NKD1: variants seen among roughly 807,000 people sequenced by gnomAD.
NKD1 encodes the protein protein naked cuticle homolog 1.
Under a neutral mutation model 56.0 loss-of-function variants are expected in NKD1, and 21 were observed. The observed-to-expected ratio is 0.38, with a 90% CI of 0.27 to 0.54. NKD1 has a LOEUF of 0.54. NKD1 is among the 20% of genes least tolerant of loss of function. The probability of loss-of-function intolerance (pLI) is 0.82; values close to 1 mark genes in which losing one functional copy is unlikely to be tolerated. For missense variants in NKD1, 578 were observed against 642.7 expected (o/e 0.90, Z 1.09); for synonymous variants, 263 against 265.7 (o/e 0.99, Z 0.10).
chr16:50,623,822 G>A lies in NKD1; in HGVS notation c.367-1663G>A, dbSNP rs1246080188. Reference sequence around the variant, plus strand: ...TAGGGGTATACCTGTGTAGGTATGCGTGTGTGTAGGTACGTGTGTAGGGGT... The same window carrying A: ...TAGGGGTATACCTGTGTAGGTATGCATGTGTGTAGGTACGTGTGTAGGGGT... On this transcript the variant is annotated intron_variant, in intron 5 of 9. Transcript: ENST00000268459. The surrounding 1 kb of genome is among the most constrained non-coding windows in gnomAD (Gnocchi z 4.1). 6.6e-6 allele frequency among the ~76,000 whole-genome samples: 1 copy of A among 151,502 alleles called. No individual in the cohort carries two copies. Among genetic ancestry groups the A allele is most frequent in the South Asian group, 2.1e-4 (1 of 4,772 alleles).
rs199629839 is a variant in NKD1, at chr16:50,630,957, T to A, written c.695+47T>A. 146 of 1,451,600 alleles carry A rather than the reference T, an allele frequency of 1.0e-4. No homozygotes were observed. In the African/African-American group the frequency reaches 1.6e-3, roughly 16 times the overall value. The allele number at this position is 1,451,600 out of a possible 1,614,324, so 89.9% of individuals were successfully genotyped here. The stretch of plus-strand genomic sequence containing the variant: ...GAGCATATGTTGAGCACCAGCTGTG[T>A]ACCTGCTTCTGAAGGATTCAGAGCA... On this transcript the variant is annotated intron_variant, in intron 8 of 9. Transcript: ENST00000268459.
rs2151281870 is a variant in NKD1, at chr16:50,634,068, A to G, written c.*287A>G. The G allele has an allele frequency of 3.5e-6, 1 of 288,338 alleles. No individual in the cohort carries two copies. Among genetic ancestry groups the G allele is most frequent in the Non-Finnish European group, 6.4e-6 (1 of 156,972 alleles). 17.9% of individuals were successfully genotyped at this position (288,338 alleles called of 1,614,324 possible). ...TCGGGGCTCGGGATCTGCAGCATCT[A>G]TGTGGATCAGCCCACACCCTTCCCA... On this transcript the variant is annotated 3_prime_UTR_variant, in exon 10 of 10. Coordinates refer to ENST00000268459, the MANE Select transcript of NKD1 (RefSeq NM_033119.5).
In NKD1 at chr16:50,614,364, G is replaced by GCA. The variant is rs369651886; in HGVS notation, c.259+6016_259+6017dup. ...AAAACCATGTCATGGACACATGCAC[G>GCA]CACACACACACACTCACACACACAC... On this transcript the variant is annotated intron_variant, in intron 4 of 9. Transcript: ENST00000268459. Among the ~76,000 whole-genome samples the GCA allele has an allele frequency of 6.1e-4, 92 of 151,702 alleles. No individual in the cohort carries two copies. In the South Asian group the frequency reaches 0.017, roughly 28 times the overall value.
intron 4 of NKD1, among the ~76,000 whole-genome samples, chr16:50,616,934 C>G (rs1365402540): frequency 1.3e-5 from 2 of 152,226 alleles, no homozygotes; most frequent in Non-Finnish European, 2.9e-5. Flanking sequence ...GATCCGGTCT[C>G]CTAGTGACCT....
intron 3 of NKD1, among the ~76,000 whole-genome samples, chr16:50,595,819 G>A (rs1961460070): frequency 6.6e-6 from 1 of 152,162 alleles, no homozygotes; most frequent in Non-Finnish European, 1.5e-5. Flanking sequence ...CTTCCCAGGT[G>A]ACCACCCTGT....
intron 6 of NKD1, among the ~76,000 whole-genome samples, chr16:50,627,370 T>A (rs779013861): frequency 1.3e-5 from 2 of 152,174 alleles, no homozygotes; most frequent in Non-Finnish European, 2.9e-5. Context: ...TCAACCTGCG[T>A]TGTCCTTCAC....
rs1206514195 is a variant in NKD1, at chr16:50,647,808, C to T, written c.*14027C>T. 6.6e-6 allele frequency: 1 copy of T among 152,184 alleles called. No individual in the cohort carries two copies. Among genetic ancestry groups the T allele is most frequent in the African/African-American group, 2.4e-5 (1 of 41,446 alleles). 9.4% of individuals were successfully genotyped at this position (152,184 alleles called of 1,614,324 possible). A position where few individuals can be genotyped will look rare whatever the true frequency, so the allele number is the denominator to read the frequency against. On this transcript the variant is annotated 3_prime_UTR_variant, in exon 10 of 10. Coordinates refer to ENST00000268459, the MANE Select transcript of NKD1 (RefSeq NM_033119.5). The stretch of plus-strand genomic sequence containing the variant: ...TGTCTGTTACTTGGGGTTCCTGTTG[C>T]TTAGAGTTGAAAGCATCATAACCCA...
At chr16:50,627,961 A>C (rs1171394466) in intron 6 of NKD1, among the ~76,000 whole-genome samples, 1 of 152,030 alleles carries the variant, frequency 6.6e-6, no homozygotes, top group African/African-American at 2.4e-5. Flanking sequence ...CAAGATAGAG[A>C]GAGTGAGCAA....
intron 4 of NKD1, among the ~76,000 whole-genome samples, chr16:50,619,226 T>A (rs1205469973): frequency 6.6e-6 from 1 of 151,436 alleles, no homozygotes; most frequent in Non-Finnish European, 1.5e-5. Flanking sequence ...TTGGGAGGGG[T>A]GAGTAGAGGA....
chr16:50,608,108 G>A, intron 3 of NKD1, 186 bp from the exon 4 acceptor site: 3 of 613,986 alleles, frequency 4.9e-6, no homozygotes, highest in South Asian at 1.8e-5. Flanking sequence ...GATGCGTGTG[G>A]GTTTATGTTA....
Position 50,623,821 on chromosome 16 carries a change from C to G in NKD1, c.367-1664C>G, listed in dbSNP as rs542860890. Among the ~76,000 whole-genome samples, 4 of 147,200 alleles carry G rather than the reference C, an allele frequency of 2.7e-5. No individual in the cohort carries two copies. The highest frequency in any genetic ancestry group is 2.7e-4 in the Admixed American group (4 of 14,792). ...ATAGGGGTATACCTGTGTAGGTATG[C>G]GTGTGTGTAGGTACGTGTGTAGGGG... On this transcript the variant is annotated intron_variant, in intron 5 of 9. Coordinates refer to ENST00000268459, the MANE Select transcript of NKD1 (RefSeq NM_033119.5). The surrounding 1 kb of genome is among the most constrained non-coding windows in gnomAD (Gnocchi z 4.1).
intron 3 of NKD1, among the ~76,000 whole-genome samples, chr16:50,592,916 G>A (rs990463282): frequency 6.6e-6 from 1 of 152,172 alleles, no homozygotes; most frequent in Non-Finnish European, 1.5e-5. Flanking sequence ...TCCCAACCTG[G>A]GTATGAACAG....
Position 50,548,495 on chromosome 16 carries a change from GC to G in NKD1, c.-57del. 7.2e-7 allele frequency: 1 copy of G among 1,382,848 alleles called. No homozygotes were observed. The highest frequency in any genetic ancestry group is 1.4e-5 in the South Asian group (1 of 69,146). The allele number at this position is 1,382,848 out of a possible 1,614,324, so 85.7% of individuals were successfully genotyped here. ...CGGGAGGAGGAGAGCCAAGGGAGGC[GC>G]CAGGCCCGCGGGCCGGGCGCATGGC... On this transcript the variant is annotated 5_prime_UTR_variant, in exon 1 of 10. Coordinates refer to ENST00000268459, the MANE Select transcript of NKD1 (RefSeq NM_033119.5).
intron 3 of NKD1, among the ~76,000 whole-genome samples, chr16:50,602,734 CTGCGTGTCTTCCTGTGAGGGCTCCTT>C (rs1215899570): frequency 2.0e-5 from 3 of 152,218 alleles, no homozygotes; most frequent in Admixed American, 2.0e-4. Flanking sequence ...GCAGCACAGT[CTGCGTGTCTTCCTGTGAGGGCTCCTT>C]TGCCTGTCCT....
chr16:50,584,883 A>G (rs1435605509), intron 3 of NKD1, among the ~76,000 whole-genome samples: 4 of 152,166 alleles, frequency 2.6e-5, no homozygotes, highest in African/African-American at 9.7e-5. Flanking sequence ...TGTGTATCTG[A>G]GGGCTCTGGG....
At chr16:50,593,961 G>A (rs755571560) in intron 3 of NKD1, among the ~76,000 whole-genome samples, 8 of 152,190 alleles carry the variant, frequency 5.3e-5, no homozygotes, top group Non-Finnish European at 1.2e-4. Context: ...AATTTCAGAT[G>A]CCCACTGCAG....
At chr16:50,579,964 C>G (rs1005959917) in intron 3 of NKD1, among the ~76,000 whole-genome samples, 17 of 152,070 alleles carry the variant, frequency 1.1e-4, no homozygotes, top group Admixed American at 9.8e-4. Context: ...CTCTTGGTCC[C>G]ATGGGTACCT....
At chr16:50,627,552 G>A (rs891887248) in intron 6 of NKD1, among the ~76,000 whole-genome samples, 5 of 152,114 alleles carry the variant, frequency 3.3e-5, no homozygotes, top group African/African-American at 4.8e-5. Context: ...TAGCCCTGAC[G>A]CCACCCCTCA....
intron 3 of NKD1, among the ~76,000 whole-genome samples, chr16:50,593,464 C>T (rs1961411350): frequency 6.6e-6 from 1 of 152,142 alleles, no homozygotes; most frequent in Admixed American, 6.5e-5. Context: ...AAAGTGCTCT[C>T]AGTAGGGTCA....
Sources: allele counts gnomAD v4.1 joint callset (sites outside exome capture counted in the v4.1 genomes callset), GRCh38; gene constraint gnomAD v4.1.1; non-coding constraint Gnocchi (gnomAD v3.1); transcripts MANE v1.5; gene names NCBI Gene and HGNC (gene_info 2026-07-23, HGNC 2026-07-21).